ANKRD30B: variants seen among roughly 807,000 people sequenced by gnomAD.
ANKRD30B encodes the protein ankyrin repeat domain-containing protein 30B.
In ANKRD30B, 144 loss-of-function variants were observed where a neutral mutation model predicts 202.2. The observed-to-expected ratio is 0.71, with a 90% CI of 0.62 to 0.82. ANKRD30B has a LOEUF of 0.82. Among genes scored for constraint, ANKRD30B ranks in the 40% least tolerant of loss-of-function variants. The pLI, the probability that ANKRD30B is intolerant of heterozygous loss-of-function variation, is 0.00. For synonymous variants in ANKRD30B, 508 were observed against 561.3 expected (o/e 0.91, Z 1.34); for missense variants, 1,487 against 1,669.1 (o/e 0.89, Z 1.90).
At chr18:14,756,760 C>T (rs192926705) in intron 4 of ANKRD30B, among the ~76,000 whole-genome samples, 2 of 152,200 alleles carry the variant, frequency 1.3e-5, no homozygotes, top group Admixed American at 1.3e-4. Context: ...GCCATGGTGG[C>T]GCATGCCTGT....
intron 16 of ANKRD30B, among the ~76,000 whole-genome samples, chr18:14,793,309 A>G (rs959074675): frequency 6.6e-6 from 1 of 152,280 alleles, no homozygotes; most frequent in Admixed American, 6.5e-5. Context: ...TCTCAATGAC[A>G]GGACATATTA....
chr18:14,913,263 C>T, the ANKRD30B span, among the ~76,000 whole-genome samples: 4 of 152,106 alleles, frequency 2.6e-5, no homozygotes, highest in East Asian at 3.9e-4. Context: ...GGATTGCTGC[C>T]GAAGTGCCAT....
At position 14,810,117 on chromosome 18, in the gene ANKRD30B, G is replaced by A. The variant is rs1050714535; in HGVS notation, c.2425G>A (p.Val809Ile). 20 of 1,492,604 alleles carry A rather than the reference G, an allele frequency of 1.3e-5. No homozygotes were observed. Among genetic ancestry groups the A allele is most frequent in the Non-Finnish European group, 1.7e-5 (19 of 1,096,816 alleles). 92.5% of individuals were successfully genotyped at this position (1,492,604 alleles called of 1,614,324 possible). A position where few individuals can be genotyped will look rare whatever the true frequency, so the allele number is the denominator to read the frequency against. ...TTCCAAACCCATTTAGCCTACCTGT[G>A]TAAGGAAAGTTTCTCTTCCAAATAA... ...DKDGLLKPTC[V>I]RKVSLPNKAL... The change falls in exon 28 of 44, where the codon GTA becomes ATA. Residue 809 changes from valine (V) to isoleucine (I), a missense_variant. Transcript: ENST00000690538.
chr18:14,835,003 T>A (rs1478380969), intron 34 of ANKRD30B, among the ~76,000 whole-genome samples: 13 of 151,972 alleles, frequency 8.6e-5, no homozygotes, highest in Admixed American at 8.5e-4. Flanking sequence ...ACTTAATATT[T>A]GACATATTCT....
intron 16 of ANKRD30B, 34 bp from the exon 17 acceptor site, chr18:14,796,187 A>G (rs778311145): frequency 1.4e-5 from 22 of 1,566,772 alleles, no homozygotes; most frequent in South Asian, 1.1e-5. Flanking sequence ...TCAGGCTTGC[A>G]TATAATCAAT....
At chr18:14,755,471 C>T (rs950070423) in intron 4 of ANKRD30B, among the ~76,000 whole-genome samples, 1 of 151,746 alleles carries the variant, frequency 6.6e-6, no homozygotes, top group Non-Finnish European at 1.5e-5. Context: ...CATATGTATA[C>T]GTGTGCCATG....
At chr18:14,835,246 T>G (rs1301831021) in intron 34 of ANKRD30B, among the ~76,000 whole-genome samples, 1 of 151,702 alleles carries the variant, frequency 6.6e-6, no homozygotes, top group Admixed American at 6.6e-5. Flanking sequence ...TACTCTGACA[T>G]TTTTGCTCAT....
the ANKRD30B span, among the ~76,000 whole-genome samples, chr18:14,936,767 A>G: frequency 6.6e-6 from 1 of 152,224 alleles, no homozygotes; most frequent in African/African-American, 2.4e-5. Context: ...AGTAGGGATC[A>G]GAGTAACTGA....
the ANKRD30B span, among the ~76,000 whole-genome samples, chr18:14,922,617 C>A: frequency 1.4e-5 from 2 of 147,014 alleles, no homozygotes; most frequent in Non-Finnish European, 3.0e-5. Context: ...ATCGCGCCAC[C>A]GCACTCCAGC....
the ANKRD30B span, among the ~76,000 whole-genome samples, chr18:14,863,303 T>C: frequency 6.6e-6 from 1 of 152,180 alleles, no homozygotes; most frequent in Admixed American, 6.5e-5. Context: ...CTCTTCATAA[T>C]TTGCTTAGCT....
At position 14,763,667 on chromosome 18, in the gene ANKRD30B, C is replaced by T; in HGVS notation, c.821-19C>T. 12 of 1,611,364 alleles carry T rather than the reference C, an allele frequency of 7.4e-6. No individual in the cohort carries two copies. The highest frequency in any genetic ancestry group is 1.0e-5 in the Non-Finnish European group (12 of 1,178,888). ...TATTTAAGCAGAAAGAAAATTTAAC[C>T]AGATTGTGTGTTTGGCAGAAGGAAC... On this transcript the variant is annotated intron_variant, in intron 6 of 43. Coordinates refer to ENST00000690538, the MANE Select transcript of ANKRD30B (RefSeq NM_001367607.2).
chr18:14,749,989 G>T lies in ANKRD30B; in HGVS notation c.221+1349G>T, dbSNP rs372579017. ...ATTAAAAATTTTTAATATACAAAAA[G>T]ATAAAAATACCAGAAAAAACATAAA... On this transcript the variant is annotated intron_variant, in intron 1 of 43. Coordinates refer to ENST00000690538, the MANE Select transcript of ANKRD30B (RefSeq NM_001367607.2). Among the ~76,000 whole-genome samples the T allele has an allele frequency of 2.7e-4, 41 of 151,774 alleles. 1 individual carries two copies. Among genetic ancestry groups the T allele is most frequent in the Non-Finnish European group, 7.4e-5 (5 of 67,902 alleles).
intron 16 of ANKRD30B, among the ~76,000 whole-genome samples, chr18:14,795,436 ATC>A (rs1170127109): frequency 6.6e-6 from 1 of 152,076 alleles, no homozygotes; most frequent in African/African-American, 2.4e-5. Context: ...GCCTTGAGAG[ATC>A]CGCCCTCTTC....
chr18:14,912,691 G>A, the ANKRD30B span, among the ~76,000 whole-genome samples: 1 of 152,158 alleles, frequency 6.6e-6, no homozygotes, highest in Non-Finnish European at 1.5e-5. Context: ...CAGAAAGATT[G>A]GTATTAGTTC....
At chr18:14,774,073 C>T (rs1008163209) in intron 9 of ANKRD30B, among the ~76,000 whole-genome samples, 1 of 152,114 alleles carries the variant, frequency 6.6e-6, no homozygotes, top group Non-Finnish European at 1.5e-5. Context: ...TTTTCTCTCT[C>T]TGTAGTAAGA....
At chr18:14,832,871 AT>A (rs375725580) in intron 34 of ANKRD30B, among the ~76,000 whole-genome samples, 1 of 152,318 alleles carries the variant, frequency 6.6e-6, no homozygotes, top group African/African-American at 2.4e-5. Flanking sequence ...ATTTTCTAGT[AT>A]CCCCAAGTGG....
At chr18:14,904,506 C>T in the ANKRD30B span, among the ~76,000 whole-genome samples, 2 of 152,044 alleles carry the variant, frequency 1.3e-5, no homozygotes, top group Non-Finnish European at 2.9e-5. Flanking sequence ...CTCATTCTCC[C>T]TCTCCTCTCT....
chr18:14,784,429 C>A (rs1432473428), intron 13 of ANKRD30B, 34 bp from the exon 14 acceptor site: 3 of 1,612,140 alleles, frequency 1.9e-6, no homozygotes, highest in African/African-American at 1.3e-5. Context: ...AGTACACATT[C>A]TTTATTGATC....
At chr18:14,898,402 G>A in the ANKRD30B span, among the ~76,000 whole-genome samples, 1 of 151,962 alleles carries the variant, frequency 6.6e-6, no homozygotes. Context: ...TTTCACAATA[G>A]GGTTCACGCC....
Sources: gnomAD v4.1 joint callset for allele counts (sites outside exome capture counted in the v4.1 genomes callset) on GRCh38, gnomAD v4.1.1 for gene constraint, MANE v1.5 for transcripts, NCBI Gene and HGNC (gene_info 2026-07-23, HGNC 2026-07-21) for gene names.